The following SPTB variants were observed in gnomAD, a reference collection of about 807,000 sequenced individuals.
SPTB encodes spectrin beta chain, erythrocytic.
In SPTB, 45 loss-of-function variants were observed where a neutral mutation model predicts 256.2. The ratio of observed to expected loss-of-function variants is 0.18; its 90% CI spans 0.14 to 0.23. The LOEUF (loss-of-function observed/expected upper bound fraction) is 0.23. SPTB is among the 10% of genes least tolerant of loss of function. The pLI is 1.00. For synonymous variants in SPTB, 1,231 were observed against 1,243.1 expected (o/e 0.99, Z 0.21); for missense variants, 2,715 against 3,040.4 (o/e 0.89, Z 2.52).
At chr14:64,750,574 A>G (rs537046361) in intron 33 of SPTB, among the ~76,000 whole-genome samples, 6 of 152,080 alleles carry the variant, frequency 3.9e-5, no homozygotes, top group African/African-American at 1.4e-4. Flanking sequence ...TCAGGAGTTC[A>G]AGACCAGCCT....
At chr14:64,791,653 G>A (rs1249383413) in intron 15 of SPTB, 66 bp downstream of exon 15, 22 of 1,582,670 alleles carry the variant, frequency 1.4e-5, no homozygotes, top group South Asian at 4.4e-5. Context: ...TTTTGGGCCC[G>A]GCCCCCAGCA....
intron 18 of SPTB, among the ~76,000 whole-genome samples, chr14:64,784,723 G>A (rs192493182): frequency 8.1e-4 from 123 of 152,342 alleles, no homozygotes; most frequent in African/African-American, 2.7e-3. Context: ...TACTGGATAG[G>A]TGGATAAATC....
intron 28 of SPTB, 104 bp from the exon 29 acceptor site, chr14:64,769,222 C>T (rs2082240554): frequency 8.6e-7 from 1 of 1,160,612 alleles, no homozygotes; most frequent in South Asian, 1.2e-5. Context: ...GGTCCTACAG[C>T]CCTGGCTTCA....
intron 2 of SPTB, among the ~76,000 whole-genome samples, chr14:64,809,094 C>G (rs1304982313): frequency 6.6e-6 from 1 of 151,650 alleles, no homozygotes; most frequent in Non-Finnish European, 1.5e-5. Context: ...AACCTCATCT[C>G]TATTAAAAAT....
intron 1 of SPTB, among the ~76,000 whole-genome samples, chr14:64,865,196 G>A (rs562068091): frequency 6.6e-6 from 1 of 152,102 alleles, no homozygotes; most frequent in African/African-American, 2.4e-5. Context: ...ACCAAGTATA[G>A]ACTGTAATGA....
chr14:64,819,599 A>G (rs1333137271), intron 2 of SPTB, among the ~76,000 whole-genome samples: 1 of 152,166 alleles, frequency 6.6e-6, no homozygotes, highest in Non-Finnish European at 1.5e-5. Flanking sequence ...GTCTGGGGGA[A>G]GGGGAAAGAG....
intron 31 of SPTB, 122 bp downstream of exon 31, chr14:64,767,181 C>A: frequency 7.7e-7 from 1 of 1,299,998 alleles, no homozygotes. Context: ...GCCTTCCTGA[C>A]GAGGGTGCCC....
At position 64,847,653 on chromosome 14, in the gene SPTB, T is replaced by A. The variant is rs1168472118; in HGVS notation, c.-51-24508A>T. 6.6e-6 allele frequency among the ~76,000 whole-genome samples: 1 copy of A among 152,138 alleles called. No individual in the cohort carries two copies. Among genetic ancestry groups the A allele is most frequent in the East Asian group, 1.9e-4 (1 of 5,194 alleles). On this transcript the variant is annotated intron_variant, in intron 1 of 35. Transcript: ENST00000644917. The surrounding 1 kb of genome is among the most constrained non-coding windows in gnomAD (Gnocchi z 5.9). ...TCTGAGATGAGAGCACTGACTACCA[T>A]GAGACACCAGCCAGCTGGTGGGAAG...
At chr14:64,836,007 T>A (rs539211679) in intron 1 of SPTB, among the ~76,000 whole-genome samples, 1 of 152,312 alleles carries the variant, frequency 6.6e-6, no homozygotes, top group Admixed American at 6.5e-5. Flanking sequence ...TCTACCAGTA[T>A]CAATATTCTG....
At chr14:64,801,139 T>G in intron 7 of SPTB, 146 bp downstream of exon 7, 1 of 715,756 alleles carries the variant, frequency 1.4e-6, no homozygotes, top group South Asian at 1.7e-5. Flanking sequence ...GATCAGAGCC[T>G]GGCCTGGCCA....
In SPTB at chr14:64,796,453, CGAG is replaced by C. The variant is rs1457177230; in HGVS notation, c.1341+101_1341+103del. 11 of 1,499,876 alleles carry C rather than the reference CGAG, an allele frequency of 7.3e-6. No homozygotes were observed. Among genetic ancestry groups the C allele is most frequent in the Admixed American group, 5.0e-5 (3 of 59,610 alleles). 92.9% of individuals were successfully genotyped at this position (1,499,876 alleles called of 1,614,324 possible). A position where few individuals can be genotyped will look rare whatever the true frequency, so the allele number is the denominator to read the frequency against. ...CACGGGGGAGCTGTGCTGCAAGGCA[CGAG>C]GAGAGGCTGTGAGAAGCCAGCTTGG... is the stretch of plus-strand genomic sequence containing the variant. On this transcript the variant is annotated intron_variant, in intron 11 of 35. Coordinates refer to ENST00000644917, the MANE Select transcript of SPTB (RefSeq NM_001355436.2). The surrounding 1 kb of genome is among the most constrained non-coding windows in gnomAD (Gnocchi z 4.1).
chr14:64,789,256 A>G (rs2082627044), intron 15 of SPTB, among the ~76,000 whole-genome samples: 4 of 152,260 alleles, frequency 2.6e-5, no homozygotes, highest in Admixed American at 2.0e-4. Flanking sequence ...GGAGACTGAG[A>G]TGGGAGAATC....
In SPTB at chr14:64,825,845, C is replaced by T. The variant is rs371940406; in HGVS notation, c.-51-2700G>A. Among the ~76,000 whole-genome samples, 4 of 152,202 alleles carry T rather than the reference C, an allele frequency of 2.6e-5. No homozygotes were observed. In the South Asian group the frequency reaches 8.3e-4, roughly 31 times the overall value. ...CCCCGGGTGCAGAAGAGCAGCGGCT[C>T]GACAGCAATTCATCCTGCTTAAAAA... On this transcript the variant is annotated intron_variant, in intron 1 of 35. Coordinates refer to ENST00000644917, the MANE Select transcript of SPTB (RefSeq NM_001355436.2). The surrounding 1 kb of genome is among the most constrained non-coding windows in gnomAD (Gnocchi z 4.8).
rs11623956 is a variant in SPTB at position 64,803,673 on chromosome 14, G to T, written c.408C>A (p.His136Gln). 5.0e-6 allele frequency: 8 copies of T among 1,614,022 alleles called. No homozygotes were observed. The East Asian group carries it at 1.6e-4, about 31-fold the overall frequency. Residue 136 changes from histidine to glutamine, a missense_variant, in exon 4 of 36, where the codon CAC (histidine) becomes CAA (glutamine). Physicochemically the swap from His to Gln is conservative, Grantham distance 24. This residue lies in a region of SPTB where 416 missense variants were observed against 571.1 expected (regional missense o/e 0.73). Coordinates refer to ENST00000644917, the MANE Select transcript of SPTB (RefSeq NM_001355436.2). ...GGCGGTGGTTGCCATCTACAATGTC[G>T]TGGGAGCCCATGTTCTCCAGGTGTA... ...QRVHLENMGS[H>Q]DIVDGNHRLV...
Position 64,749,338 on chromosome 14 carries a change from TCTC to T in SPTB, c.6952_6954del (p.Glu2318del), listed in dbSNP as rs769116949. On this transcript the variant is annotated inframe_deletion, in exon 36 of 36. Coordinates refer to ENST00000644917, the MANE Select transcript of SPTB (RefSeq NM_001355436.2). The surrounding 1 kb of genome is among the most constrained non-coding windows in gnomAD (Gnocchi z 4.7). ...TTTTTGGGGAAGAAGCTGAATCTCT[TCTC>T]CTTGTCTTTCTTGCCGAGGCTGGCG... 51 of 1,609,648 alleles carry T rather than the reference TCTC, an allele frequency of 3.2e-5. 1 individual carries two copies. The highest frequency in any genetic ancestry group is 8.8e-5 in the South Asian group (8 of 90,756).
At chr14:64,750,844 ATATT>A (rs903619983) in intron 33 of SPTB, among the ~76,000 whole-genome samples, 218 of 146,622 alleles carry the variant, frequency 1.5e-3, no homozygotes, top group African/African-American at 5.1e-3. Context: ...TAATATTTAC[ATATT>A]TATTATATAA....
chr14:64,760,864 G>A lies in SPTB; in HGVS notation c.6345+5862C>T, dbSNP rs184873910. On this transcript the variant is annotated intron_variant, in intron 32 of 35. Coordinates refer to ENST00000644917, the MANE Select transcript of SPTB (RefSeq NM_001355436.2). The surrounding 1 kb of genome is among the most constrained non-coding windows in gnomAD (Gnocchi z 4.3). ...TCACACATTAGTGAGGAATGTTGAG[G>A]TCGCAGGTCTGTCTGGCACCAAACT... is the stretch of plus-strand genomic sequence containing the variant. 1.5e-3 allele frequency among the ~76,000 whole-genome samples: 225 copies of A among 152,324 alleles called. 3 individuals carry two copies. Among genetic ancestry groups the A allele is most frequent in the Admixed American group, 0.015 (225 of 15,302 alleles).
intron 15 of SPTB, 134 bp downstream of exon 15, chr14:64,791,585 A>G: frequency 2.3e-6 from 2 of 863,942 alleles, no homozygotes. Context: ...AAAAAAAAAA[A>G]AAAAAAGACA....
chr14:64,822,686 G>A (rs1447398133), intron 2 of SPTB, among the ~76,000 whole-genome samples: 2 of 152,144 alleles, frequency 1.3e-5, no homozygotes, highest in Non-Finnish European at 2.9e-5. Flanking sequence ...TTGGCCGCAG[G>A]TCACTCAGGA....
Sources: gnomAD v4.1 joint callset for allele counts (sites outside exome capture counted in the v4.1 genomes callset) on GRCh38, gnomAD v4.1.1 for gene constraint, gnomAD v4.1.1 regional missense constraint, Gnocchi (gnomAD v3.1) non-coding constraint, MANE v1.5 for transcripts, NCBI Gene and HGNC (gene_info 2026-07-23, HGNC 2026-07-21) for gene names.